Variants in DPP6 observed in about 807,000 individuals in gnomAD.
The protein encoded by DPP6 is dipeptidyl peptidase like 6.
Under a neutral mutation model 122.6 loss-of-function variants are expected in DPP6, and 69 were observed. That is an observed-to-expected ratio of 0.56 (90% CI 0.46 to 0.69). The LOEUF (loss-of-function observed/expected upper bound fraction) is 0.69. Ranked by LOEUF, DPP6 falls within the 30% of genes least tolerant of loss-of-function variation. DPP6 has a pLI of 0.00. For synonymous variants in DPP6, 418 were observed against 433.1 expected (o/e 0.97, Z 0.43); for missense variants, 928 against 1,116.9 (o/e 0.83, Z 2.41).
chr7:154,889,375 A>G (rs769749935), intron 24 of DPP6, 31 bp downstream of exon 24: 11 of 1,610,366 alleles, frequency 6.8e-6, no homozygotes, highest in Non-Finnish European at 9.3e-6. Flanking sequence ...TTCACTGTGT[A>G]TCTAGTAAGA....
At chr7:154,644,550 G>A (rs960049258) in intron 6 of DPP6, among the ~76,000 whole-genome samples, 1 of 152,242 alleles carries the variant, frequency 6.6e-6, no homozygotes, top group Admixed American at 6.5e-5. Context: ...CTGTGTGTGA[G>A]TCTCCAGGGC....
At chr7:153,773,325 TATATA>T in the DPP6 span, among the ~76,000 whole-genome samples, 1 of 42,288 alleles carries the variant, frequency 2.4e-5, no homozygotes, top group African/African-American at 5.2e-5. Context: ...TATATATATA[TATATA>T]TTTTTTTTTA....
At chr7:154,801,222 C>G (rs898994746) in intron 12 of DPP6, 133 bp from the exon 13 acceptor site, 2 of 1,295,976 alleles carry the variant, frequency 1.5e-6, no homozygotes, top group African/African-American at 1.5e-5. Context: ...TCATCAAGCA[C>G]TTATTATTTC....
At chr7:154,072,758 G>C (rs1803215994) in intron 1 of DPP6, among the ~76,000 whole-genome samples, 1 of 152,246 alleles carries the variant, frequency 6.6e-6, no homozygotes, top group African/African-American at 2.4e-5. Flanking sequence ...ACTTGTCCCA[G>C]CACCATGCTA....
intron 1 of DPP6, among the ~76,000 whole-genome samples, chr7:154,321,794 A>C (rs1264818779): frequency 6.6e-6 from 1 of 151,466 alleles, no homozygotes; most frequent in Admixed American, 6.6e-5. Flanking sequence ...CAAAAAAAAA[A>C]AAAAAAAAAA....
At chr7:154,591,848 C>A (rs1832824345) in intron 5 of DPP6, among the ~76,000 whole-genome samples, 1 of 152,180 alleles carries the variant, frequency 6.6e-6, no homozygotes, top group Admixed American at 6.5e-5. Flanking sequence ...ATTTGAGGTT[C>A]AAGGAATGCT....
At chr7:154,336,189 G>A (rs1050733434) in intron 1 of DPP6, among the ~76,000 whole-genome samples, 2 of 152,224 alleles carry the variant, frequency 1.3e-5, no homozygotes, top group Admixed American at 1.3e-4. Context: ...CCTGCAATCA[G>A]CATGCCCACA....
intron 16 of DPP6, among the ~76,000 whole-genome samples, chr7:154,827,791 G>GT (rs1405936775): frequency 6.8e-6 from 1 of 147,948 alleles, no homozygotes. Context: ...AGGATGTCCT[G>GT]TGGGGGGGTG....
At chr7:154,491,164 C>T (rs963456976) in intron 3 of DPP6, among the ~76,000 whole-genome samples, 4 of 152,144 alleles carry the variant, frequency 2.6e-5, no homozygotes, top group Non-Finnish European at 4.4e-5. Flanking sequence ...TAGGTTTTTA[C>T]TGAATATAAA....
At chr7:154,697,119 A>G (rs1414956720) in intron 7 of DPP6, among the ~76,000 whole-genome samples, 2 of 152,200 alleles carry the variant, frequency 1.3e-5, no homozygotes, top group East Asian at 1.9e-4. Context: ...GGGTTTTCCC[A>G]GGTGCTGTTT....
intron 1 of DPP6, among the ~76,000 whole-genome samples, chr7:154,252,006 T>G (rs1242732045): frequency 6.6e-6 from 1 of 152,174 alleles, no homozygotes; most frequent in Non-Finnish European, 1.5e-5. Context: ...GTGGTTCAAA[T>G]AAGAACAAGA....
intron 1 of DPP6, among the ~76,000 whole-genome samples, chr7:154,393,139 C>T (rs901538513): frequency 1.3e-5 from 2 of 152,282 alleles, no homozygotes; most frequent in Non-Finnish European, 2.9e-5. Flanking sequence ...TAGAAATGTA[C>T]AGAGTGCAGA....
At chr7:154,239,076 T>G (rs1389631300) in intron 1 of DPP6, among the ~76,000 whole-genome samples, 1 of 152,234 alleles carries the variant, frequency 6.6e-6, no homozygotes, top group Admixed American at 6.5e-5. Flanking sequence ...GTAGCCAGCA[T>G]TTTGCTAGCA....
intron 1 of DPP6, among the ~76,000 whole-genome samples, chr7:153,986,054 G>A (rs1202348461): frequency 6.6e-6 from 1 of 152,148 alleles, no homozygotes; most frequent in African/African-American, 2.4e-5. Flanking sequence ...AAGATCAGGT[G>A]CGTTCAGGGT....
At chr7:153,926,773 G>A (rs2129011251) in intron 1 of DPP6, among the ~76,000 whole-genome samples, 1 of 150,690 alleles carries the variant, frequency 6.6e-6, no homozygotes, top group Middle Eastern at 3.4e-3. Context: ...ACAGACAGCT[G>A]CTCCTGGTTC....
At chr7:153,885,023 T>TATATATATATATATATATATA (rs1798857686), upstream of DPP6, among the ~76,000 whole-genome samples, 1 of 145,120 alleles carries the variant, frequency 6.9e-6, no homozygotes, top group Admixed American at 6.9e-5. Flanking sequence ...TATATATATG[T>TATATATATATATATATATATA]TTGTCTTCTT....
At position 154,828,085 on chromosome 7, in the gene DPP6, T is replaced by C. The variant is rs1800321350; in HGVS notation, c.1666+20973T>C. ...ATCTTCCTGGGACTATTTGCAGAACTCGAATGGGGTGTGAAGATTAGCCTG... is the reference window on the plus strand; with the variant it reads ...ATCTTCCTGGGACTATTTGCAGAACCCGAATGGGGTGTGAAGATTAGCCTG... On this transcript the variant is annotated intron_variant, in intron 16 of 25. Coordinates refer to ENST00000377770, the MANE Select transcript of DPP6 (RefSeq NM_130797.4). Among the ~76,000 whole-genome samples the C allele has an allele frequency of 2.6e-5, 4 of 152,050 alleles. No homozygotes were observed. In the South Asian group the frequency reaches 8.3e-4, roughly 32 times the overall value.
chr7:154,511,435 CG>C (rs1826086028), intron 3 of DPP6, among the ~76,000 whole-genome samples: 1 of 152,112 alleles, frequency 6.6e-6, no homozygotes, highest in Non-Finnish European at 1.5e-5. Context: ...GAGAATTCAG[CG>C]CAGGTAAAGA....
chr7:154,319,061 C>T (rs538128012), intron 1 of DPP6, among the ~76,000 whole-genome samples: 49 of 152,198 alleles, frequency 3.2e-4, no homozygotes, highest in African/African-American at 1.2e-3. Flanking sequence ...AGGTGTCTGC[C>T]ATGTCAGGGG....
Sources: gnomAD v4.1 joint callset for allele counts (sites outside exome capture counted in the v4.1 genomes callset) on GRCh38, gnomAD v4.1.1 for gene constraint, MANE v1.5 for transcripts, NCBI Gene and HGNC (gene_info 2026-07-23, HGNC 2026-07-21) for gene names.